IFI27L1: variants seen among roughly 807,000 people sequenced by gnomAD.
IFI27L1 encodes the protein interferon alpha inducible protein 27 like 1, also known as interferon alpha-inducible protein 27-like protein 1.
Under a neutral mutation model 9.2 loss-of-function variants are expected in IFI27L1, and 3 were observed. The observed-to-expected ratio is 0.32, with a 90% confidence interval of 0.15 to 0.84. IFI27L1 has a LOEUF of 0.84. Ranked by LOEUF, IFI27L1 falls within the 40% of genes least tolerant of loss-of-function variation. IFI27L1 has a pLI of 0.56. For missense variants in IFI27L1, 133 were observed against 134.2 expected (o/e 0.99, Z 0.05); for synonymous variants, 53 against 50.0 (o/e 1.06, Z -0.26).
intron 1 of IFI27L1, among the ~76,000 whole-genome samples, chr14:94,088,784 G>T (rs138533892): frequency 1.3e-5 from 2 of 152,110 alleles, no homozygotes; most frequent in African/African-American, 2.4e-5. Context: ...TTAGTCATGC[G>T]TAATTCTGTC....
Position 94,102,562 on chromosome 14 carries a change from C to A in IFI27L1, c.309C>A (p.Ser103=). ...ALGAWLGSPP[S]S is the part of the protein sequence containing the mutation. Reference sequence around the variant, plus strand: ...GGGCCTGGCTGGGTTCACCCCCTTCCAGCTGAACACCACACTGAGGCAGGG... The same window carrying A: ...GGGCCTGGCTGGGTTCACCCCCTTCAAGCTGAACACCACACTGAGGCAGGG... Residue 103 remains serine (S), a synonymous_variant, in exon 5 of 5, where the codon TCC becomes TCA. Transcript: ENST00000555523. The A allele has an allele frequency of 6.4e-7, 1 of 1,553,062 alleles. No individual in the cohort carries two copies. Among genetic ancestry groups the A allele is most frequent in the South Asian group, 1.2e-5 (1 of 82,346 alleles).
intron 1 of IFI27L1, among the ~76,000 whole-genome samples, chr14:94,091,460 AT>A (rs1234367108): frequency 6.6e-6 from 1 of 152,204 alleles, no homozygotes; most frequent in Non-Finnish European, 1.5e-5. Context: ...ACACCCAACC[AT>A]TTCATATTTA....
chr14:94,092,630 A>AAG (rs750288384), intron 1 of IFI27L1, among the ~76,000 whole-genome samples: 2 of 152,234 alleles, frequency 1.3e-5, no homozygotes, highest in Non-Finnish European at 2.9e-5. Context: ...TGTTAAAGAG[A>AAG]AGATCAGTGC....
chr14:94,097,499 G>T (rs1300403782), intron 2 of IFI27L1: 1 of 615,132 alleles, frequency 1.6e-6, no homozygotes. Flanking sequence ...TAGCAGGAAG[G>T]CTTTTGGCCT....
intron 2 of IFI27L1, 129 bp downstream of exon 2, chr14:94,097,094 T>A (rs1375599755): frequency 1.4e-5 from 9 of 652,570 alleles, no homozygotes; most frequent in Non-Finnish European, 2.3e-5. Context: ...TGGAAAAGAA[T>A]TATTCAGGAA....
At position 94,101,974 on chromosome 14, in the gene IFI27L1, G is replaced by A; in HGVS notation, c.222G>A (p.Val74=). The change falls in exon 4 of 5, where the codon GTG becomes GTA. Residue 74 remains valine (V), a splice_region_variant and synonymous_variant. Coordinates refer to ENST00000555523, the MANE Select transcript of IFI27L1 (RefSeq NM_206949.3). Reference sequence around the variant, plus strand: ...GTCTGGTGGCTATTCTGCAGTCAGTGGGTGAGTGTTCTGGACAGGATGACC... The same window carrying A: ...GTCTGGTGGCTATTCTGCAGTCAGTAGGTGAGTGTTCTGGACAGGATGACC... ...AGSLVAILQS[V]GAAGLSVTSK... 1 of 1,614,228 alleles carries A rather than the reference G, an allele frequency of 6.2e-7. No homozygotes were observed. Among genetic ancestry groups the A allele is most frequent in the Non-Finnish European group, 8.5e-7 (1 of 1,180,030 alleles).
intron 1 of IFI27L1, among the ~76,000 whole-genome samples, chr14:94,090,357 A>G (rs1026923153): frequency 6.6e-6 from 1 of 152,232 alleles, no homozygotes; most frequent in Non-Finnish European, 1.5e-5. Flanking sequence ...TTCTCTCTCC[A>G]GTCCTCATTT....
chr14:94,097,512 G>A, intron 2 of IFI27L1: 2 of 644,908 alleles, frequency 3.1e-6, no homozygotes, highest in Non-Finnish European at 5.6e-6. Context: ...TTTGGCCTGA[G>A]CTGCTGAGAG....
intron 1 of IFI27L1, among the ~76,000 whole-genome samples, chr14:94,082,214 C>G (rs996700292): frequency 6.6e-6 from 1 of 152,162 alleles, no homozygotes; most frequent in African/African-American, 2.4e-5. Flanking sequence ...TCCCCTAAAC[C>G]CAAAACCGAA....
intron 1 of IFI27L1, among the ~76,000 whole-genome samples, chr14:94,096,342 C>T (rs943257470): frequency 6.6e-6 from 1 of 152,180 alleles, no homozygotes; most frequent in Non-Finnish European, 1.5e-5. Context: ...GGGTTGCTTC[C>T]ATCTCTTAGC....
At chr14:94,101,751 A>G in intron 3 of IFI27L1, 63 bp from the exon 4 acceptor site, 2 of 1,555,596 alleles carry the variant, frequency 1.3e-6, no homozygotes, top group South Asian at 2.2e-5. Context: ...CCCCAGGAGG[A>G]TGTCAGGGAA....
At chr14:94,095,043 A>G (rs77011868) in intron 1 of IFI27L1, 37 of 152,370 alleles carry the variant, frequency 2.4e-4, no homozygotes, top group African/African-American at 8.2e-4. Context: ...GCACACTTAA[A>G]AAAAATTTAG....
chr14:94,096,695 G>GAA (rs11324210), intron 1 of IFI27L1, 192 bp from the exon 2 acceptor site: 2,266 of 287,656 alleles, frequency 7.9e-3, no homozygotes, highest in Non-Finnish European at 0.01. Context: ...CTCTGTCTCA[G>GAA]AAAAAAAAAA....
At chr14:94,086,842 A>G (rs996930489) in intron 1 of IFI27L1, among the ~76,000 whole-genome samples, 4 of 152,234 alleles carry the variant, frequency 2.6e-5, no homozygotes, top group African/African-American at 7.2e-5. Context: ...TTCTGCTTCT[A>G]TCATCAGTAG....
chr14:94,098,974 C>T (rs1285966751), intron 2 of IFI27L1, among the ~76,000 whole-genome samples: 1 of 152,224 alleles, frequency 6.6e-6, no homozygotes, highest in African/African-American at 2.4e-5. Context: ...CTGCCTTTCC[C>T]TGAATGGACA....
At position 94,090,150 on chromosome 14, in the gene IFI27L1, A is replaced by G. The variant is rs149979356; in HGVS notation, c.-51-6737A>G. Among the ~76,000 whole-genome samples, 113 of 152,336 alleles carry G rather than the reference A, an allele frequency of 7.4e-4. 2 individuals are homozygous for G. Among genetic ancestry groups the G allele is most frequent in the African/African-American group, 2.4e-3 (98 of 41,568 alleles). ...ATATGGGGGTCTCTAGCTGATTCCAATATGTGCCCAAATTAGAATATTGAT... is the reference window on the plus strand; with the variant it reads ...ATATGGGGGTCTCTAGCTGATTCCAGTATGTGCCCAAATTAGAATATTGAT... On this transcript the variant is annotated intron_variant, in intron 1 of 4. Transcript: ENST00000555523.
intron 1 of IFI27L1, among the ~76,000 whole-genome samples, chr14:94,096,402 G>GACTATGCTT (rs1886665497): frequency 6.6e-6 from 1 of 152,148 alleles, no homozygotes; most frequent in East Asian, 1.9e-4. Flanking sequence ...ATCTATTCAA[G>GACTATGCTT]ACTATGCTTT....
At chr14:94,097,400 T>G in intron 2 of IFI27L1, 2 of 577,466 alleles carry the variant, frequency 3.5e-6, no homozygotes, top group South Asian at 4.4e-5. Flanking sequence ...TTCATAGGCA[T>G]GTGTGCCTGA....
chr14:94,088,442 G>C, intron 1 of IFI27L1: 1 of 678,022 alleles, frequency 1.5e-6, no homozygotes, highest in Non-Finnish European at 2.7e-6. Flanking sequence ...CACATTCTGG[G>C]GTTGGGGCAT....
Sources: gnomAD v4.1 joint callset for allele counts (sites outside exome capture counted in the v4.1 genomes callset) on GRCh38, gnomAD v4.1.1 for gene constraint, MANE v1.5 for transcripts, NCBI Gene and HGNC (gene_info 2026-07-23, HGNC 2026-07-21) for gene names.